PTPRD: variants seen among roughly 807,000 people sequenced by gnomAD.
PTPRD encodes receptor-type tyrosine-protein phosphatase delta.
PTPRD carries 34 observed loss-of-function variants against 214.5 expected under a neutral mutation model. That is an observed-to-expected ratio of 0.16 (90% CI 0.12 to 0.21). PTPRD has a LOEUF of 0.21. PTPRD is among the 10% of genes least tolerant of loss of function. PTPRD has a pLI of 1.00. For missense variants in PTPRD, 2,545 were observed against 2,398.7 expected (o/e 1.06, Z -1.27); for synonymous variants, 1,128 against 845.7 (o/e 1.33, Z -5.79).
At chr9:8,575,792 C>G (rs928672628) in intron 14 of PTPRD, among the ~76,000 whole-genome samples, 23 of 152,134 alleles carry the variant, frequency 1.5e-4, no homozygotes, top group African/African-American at 5.3e-4. Flanking sequence ...AATGTAGTGA[C>G]TCTAAGTCAT....
chr9:10,399,839 G>C (rs1020720873), intron 2 of PTPRD, among the ~76,000 whole-genome samples: 1 of 151,806 alleles, frequency 6.6e-6, no homozygotes, highest in African/African-American at 2.4e-5. Flanking sequence ...ACAAGTGGTG[G>C]GAAGAAAAGG....
intron 10 of PTPRD, among the ~76,000 whole-genome samples, chr9:9,123,301 C>G (rs539254746): frequency 6.6e-6 from 1 of 152,324 alleles, no homozygotes; most frequent in South Asian, 2.1e-4. Context: ...GGACATTTCT[C>G]TGAAATGCTA....
At chr9:9,346,247 C>T (rs964984078) in intron 9 of PTPRD, among the ~76,000 whole-genome samples, 1 of 152,128 alleles carries the variant, frequency 6.6e-6, no homozygotes, top group South Asian at 2.1e-4. Context: ...AAAAAAGATT[C>T]TTCCAGATAT....
At chr9:10,583,483 G>T (rs917056579) in intron 2 of PTPRD, among the ~76,000 whole-genome samples, 1 of 148,836 alleles carries the variant, frequency 6.7e-6, no homozygotes, top group East Asian at 2.0e-4. Context: ...ACGGAGTCTC[G>T]CCCTGTTGCC....
At chr9:8,733,714 G>A (rs2098686384) in intron 12 of PTPRD, 66 bp downstream of exon 12, 1 of 1,497,304 alleles carries the variant, frequency 6.7e-7, no homozygotes, top group South Asian at 1.2e-5. Context: ...CCTGAGCCTG[G>A]TGCCAACTGC....
intron 11 of PTPRD, among the ~76,000 whole-genome samples, chr9:8,837,496 T>TTTTTGTTTTG (rs71317377): frequency 0.036 from 5,406 of 151,134 alleles, 345 homozygotes; most frequent in African/African-American, 0.12. Context: ...TCTCTTCCTT[T>TTTTTGTTTTG]TTTTGTTTTG....
chr9:9,473,224 T>G (rs1175576642), intron 8 of PTPRD, among the ~76,000 whole-genome samples: 4 of 152,186 alleles, frequency 2.6e-5, no homozygotes, highest in African/African-American at 9.6e-5. Flanking sequence ...AATGAAAACA[T>G]GCAATATGCC....
intron 8 of PTPRD, among the ~76,000 whole-genome samples, chr9:9,542,155 A>C (rs1028603621): frequency 3.3e-5 from 5 of 151,780 alleles, no homozygotes; most frequent in African/African-American, 1.2e-4. Flanking sequence ...AGAAGAACAC[A>C]ATCTACTGCT....
intron 2 of PTPRD, among the ~76,000 whole-genome samples, chr9:10,399,631 G>T (rs967046033): frequency 6.6e-6 from 1 of 152,002 alleles, no homozygotes; most frequent in African/African-American, 2.4e-5. Context: ...AGAGGACAAG[G>T]TTACCTATAC....
intron 35 of PTPRD, among the ~76,000 whole-genome samples, chr9:8,410,872 G>A (rs928759831): frequency 2.6e-5 from 4 of 152,000 alleles, no homozygotes; most frequent in African/African-American, 7.2e-5. Context: ...GGAACAAAAA[G>A]GATAAACTAT....
At chr9:8,396,188 G>A (rs529296654) in intron 36 of PTPRD, among the ~76,000 whole-genome samples, 1 of 152,208 alleles carries the variant, frequency 6.6e-6, no homozygotes, top group South Asian at 2.1e-4. Flanking sequence ...ACACCTCTGT[G>A]AGAATTAAAT....
chr9:9,846,575 T>C (rs1253278691), intron 5 of PTPRD, among the ~76,000 whole-genome samples: 1 of 152,170 alleles, frequency 6.6e-6, no homozygotes, highest in Non-Finnish European at 1.5e-5. Context: ...CAAAACATGG[T>C]GTACATAAAG....
At chr9:8,433,532 A>G (rs1489431508) in intron 35 of PTPRD, among the ~76,000 whole-genome samples, 6 of 152,204 alleles carry the variant, frequency 3.9e-5, no homozygotes, top group African/African-American at 1.2e-4. Context: ...ACAAAACGTG[A>G]AGGCAGAAGA....
chr9:9,333,598 A>G (rs2043231029), intron 9 of PTPRD, among the ~76,000 whole-genome samples: 1 of 150,004 alleles, frequency 6.7e-6, no homozygotes, highest in Non-Finnish European at 1.5e-5. Flanking sequence ...TATAAAAGAA[A>G]AGCACTGGTC....
chr9:8,788,910 C>T (rs1275544869), intron 11 of PTPRD, among the ~76,000 whole-genome samples: 1 of 151,280 alleles, frequency 6.6e-6, no homozygotes, highest in Non-Finnish European at 1.5e-5. Context: ...GTTCTTATAT[C>T]ACCAATTTAA....
chr9:10,084,244 GA>G (rs2098291690), intron 3 of PTPRD, among the ~76,000 whole-genome samples: 2 of 151,980 alleles, frequency 1.3e-5, no homozygotes, highest in Non-Finnish European at 2.9e-5. Context: ...TATCTTTTCT[GA>G]AGTACAGAAA....
At chr9:8,849,447 C>A (rs996212436) in intron 11 of PTPRD, among the ~76,000 whole-genome samples, 5 of 152,090 alleles carry the variant, frequency 3.3e-5, no homozygotes, top group Non-Finnish European at 7.4e-5. Context: ...AGAATGGTCT[C>A]GATCTCCTGA....
chr9:8,951,096 A>T (rs996597355), intron 11 of PTPRD, among the ~76,000 whole-genome samples: 8 of 150,586 alleles, frequency 5.3e-5, no homozygotes, highest in Admixed American at 2.7e-4. Flanking sequence ...TTTAAGGCTA[A>T]AAGTTTATGT....
chr9:9,846,476 T>C (rs541424638), intron 5 of PTPRD, among the ~76,000 whole-genome samples: 5 of 152,302 alleles, frequency 3.3e-5, no homozygotes, highest in South Asian at 4.1e-4. Context: ...TTTCTAAATA[T>C]GTAAATCAAG....
Sources: allele counts gnomAD v4.1 joint callset (sites outside exome capture counted in the v4.1 genomes callset), GRCh38; gene constraint gnomAD v4.1.1; transcripts MANE v1.5; gene names NCBI Gene and HGNC (gene_info 2026-07-23, HGNC 2026-07-21).